The following TBC1D1 variants were observed in gnomAD, a reference collection of about 807,000 sequenced individuals.
TBC1D1 encodes TBC1 (tre-2/USP6, BUB2, cdc16) domain family, member 1.
TBC1D1 carries 89 observed loss-of-function variants against 125.6 expected under a neutral mutation model. The observed-to-expected ratio is 0.71, with a 90% CI of 0.60 to 0.85. The LOEUF (loss-of-function observed/expected upper bound fraction) is 0.85, where lower values mean the gene tolerates loss of function less well. TBC1D1 is among the 40% of genes least tolerant of loss of function. The probability of loss-of-function intolerance (pLI) is 0.00; values close to 1 mark genes in which losing one functional copy is unlikely to be tolerated. For missense variants in TBC1D1, 1,377 were observed against 1,469.2 expected (o/e 0.94, Z 1.03); for synonymous variants, 565 against 564.1 (o/e 1.00, Z -0.02).
chr4:38,125,173 A>T (rs945298172), intron 18 of TBC1D1, 42 bp downstream of exon 20: 1 of 1,584,990 alleles, frequency 6.3e-7, no homozygotes, highest in East Asian at 2.2e-5. Flanking sequence ...AAGCCATCCT[A>T]GATATGTAGA....
chr4:37,904,856 G>C (rs1716962654), intron 2 of TBC1D1, among the ~76,000 whole-genome samples: 1 of 152,206 alleles, frequency 6.6e-6, no homozygotes. Flanking sequence ...CAGCGTGATA[G>C]ATTTTCTGTT....
Position 38,137,526 on chromosome 4 carries a change from GTT to G in TBC1D1, c.*195_*196del. On this transcript the variant is annotated 3_prime_UTR_variant, in exon 20 of 20. Coordinates refer to ENST00000261439, the MANE Select transcript of TBC1D1 (RefSeq NM_015173.4). The stretch of plus-strand genomic sequence containing the variant: ...GGCATGTCCCAGTGTTTTTTTTGTT[GTT>G]TTTAGATACTAAATCGTCCCTTCTC... The G allele has an allele frequency of 2.6e-6, 2 of 762,772 alleles. No homozygotes were observed. The highest frequency in any genetic ancestry group is 3.7e-6 in the Non-Finnish European group (2 of 543,600). 47.3% of individuals were successfully genotyped at this position (762,772 alleles called of 1,614,324 possible). A position where few individuals can be genotyped will look rare whatever the true frequency, so the allele number is the denominator to read the frequency against.
intron 13 of TBC1D1, among the ~76,000 whole-genome samples, chr4:38,090,859 G>C: frequency 6.6e-6 from 1 of 152,174 alleles, no homozygotes. Flanking sequence ...CAGTCACCCT[G>C]CCATTGCCCC....
At chr4:38,061,409 T>C (rs1049954453) in intron 12 of TBC1D1, among the ~76,000 whole-genome samples, 2 of 152,256 alleles carry the variant, frequency 1.3e-5, no homozygotes, top group South Asian at 4.1e-4. Context: ...AAACAATTTT[T>C]AAGGCAACTC....
intron 2 of TBC1D1, among the ~76,000 whole-genome samples, chr4:37,934,297 G>A (rs577026437): frequency 2.0e-5 from 3 of 152,286 alleles, no homozygotes; most frequent in East Asian, 1.9e-4. Context: ...GGCATGGACC[G>A]CCAAGGTGCA....
chr4:37,968,476 C>G (rs539164940), intron 2 of TBC1D1, among the ~76,000 whole-genome samples: 2 of 152,150 alleles, frequency 1.3e-5, no homozygotes, highest in African/African-American at 2.4e-5. Context: ...TACAATGTAA[C>G]GCAGAAAATC....
chr4:37,996,417 T>C (rs1737809307), intron 2 of TBC1D1, among the ~76,000 whole-genome samples: 1 of 152,254 alleles, frequency 6.6e-6, no homozygotes, highest in Non-Finnish European at 1.5e-5. Flanking sequence ...TGCTTTTAAC[T>C]AACATCCTTT....
chr4:38,006,721 C>T lies in TBC1D1; in HGVS notation c.418-7788C>T, dbSNP rs190877181. 571 of 363,406 alleles carry T rather than the reference C, an allele frequency of 1.6e-3. 1 individual carries two copies. Among genetic ancestry groups the T allele is most frequent in the Middle Eastern group, 3.2e-3 (3 of 924 alleles). The allele number at this position is 363,406 out of a possible 1,614,324, so 22.5% of individuals were successfully genotyped here. Reference sequence around the variant, plus strand: ...GGCTCAATCTCCTGACCTTGTGATCCGCCCACCTTGGCCTCCCAAAGTGCT... The same window carrying T: ...GGCTCAATCTCCTGACCTTGTGATCTGCCCACCTTGGCCTCCCAAAGTGCT... On this transcript the variant is annotated intron_variant, in intron 2 of 19. Transcript: ENST00000261439.
intron 2 of TBC1D1, among the ~76,000 whole-genome samples, chr4:37,909,792 C>A (rs1718158734): frequency 6.6e-6 from 1 of 152,162 alleles, no homozygotes. Context: ...CACCTTTAAT[C>A]CCAGCCTGAT....
chr4:37,940,587 TC>T (rs1725354465), intron 2 of TBC1D1, among the ~76,000 whole-genome samples: 1 of 152,238 alleles, frequency 6.6e-6, no homozygotes, highest in African/African-American at 2.4e-5. Flanking sequence ...AGAGAGGGCA[TC>T]CCTGTCTTGT....
At chr4:38,051,105 G>C (rs1177947345) in intron 11 of TBC1D1, among the ~76,000 whole-genome samples, 1 of 152,210 alleles carries the variant, frequency 6.6e-6, no homozygotes, top group East Asian at 1.9e-4. Flanking sequence ...AAACATTCCT[G>C]TCTGGAGAGT....
chr4:38,052,732 A>ACG (rs776456911), intron 11 of TBC1D1, among the ~76,000 whole-genome samples: 1 of 77,666 alleles, frequency 1.3e-5, no homozygotes, highest in African/African-American at 4.0e-5. Flanking sequence ...GCGCGCGCAC[A>ACG]CACACACACA....
chr4:38,008,830 T>C (rs1482136514), intron 2 of TBC1D1, among the ~76,000 whole-genome samples: 7 of 152,230 alleles, frequency 4.6e-5, no homozygotes, highest in African/African-American at 1.7e-4. Flanking sequence ...GTTTGTGTTC[T>C]GGCACCTGTC....
intron 2 of TBC1D1, among the ~76,000 whole-genome samples, chr4:37,956,896 G>A (rs1428141957): frequency 6.6e-6 from 1 of 150,772 alleles, no homozygotes; most frequent in African/African-American, 2.4e-5. Flanking sequence ...CAGAGATCGC[G>A]CCACCGCACT....
chr4:37,947,355 C>T (rs1020920109), intron 2 of TBC1D1, among the ~76,000 whole-genome samples: 1 of 152,158 alleles, frequency 6.6e-6, no homozygotes, highest in Admixed American at 6.5e-5. Context: ...TGGACTTTCA[C>T]TATGTTGGCC....
intron 8 of TBC1D1, among the ~76,000 whole-genome samples, chr4:38,035,962 G>C (rs1241835225): frequency 6.6e-6 from 1 of 152,212 alleles, no homozygotes; most frequent in South Asian, 2.1e-4. Context: ...TTGAGTGTAA[G>C]AGTGGATGCC....
chr4:38,078,079 G>T (rs981998489), intron 12 of TBC1D1, among the ~76,000 whole-genome samples: 2 of 152,184 alleles, frequency 1.3e-5, no homozygotes, highest in African/African-American at 4.8e-5. Flanking sequence ...AGCAGCACAG[G>T]TCGGTGGCCA....
chr4:38,109,491 C>A (rs893258198), intron 15 of TBC1D1, among the ~76,000 whole-genome samples: 1 of 152,126 alleles, frequency 6.6e-6, no homozygotes, highest in Middle Eastern at 3.2e-3. Flanking sequence ...ATAACCAGCT[C>A]CTCTCACCCC....
rs537533221 is a variant in TBC1D1 at position 38,095,965 on chromosome 4, T to C, written c.2273T>C (p.Leu758Pro). ...GATTTGCTGAACAAGCGCCTGAAGC[T>C]CGATTATGAAGAAATTACTCCCTGT... is the stretch of plus-strand genomic sequence containing the variant. Residue 758 changes from leucine to proline, a missense_variant, in exon 14 of 20, where the codon CTC (leucine) becomes CCC (proline). Physicochemically the swap from Leu to Pro is moderately conservative, Grantham distance 98. This residue lies in a region of TBC1D1 where 543 missense variants were observed against 613.5 expected (regional missense o/e 0.89). Transcript: ENST00000261439. 1 of 1,614,016 alleles carries C rather than the reference T, an allele frequency of 6.2e-7. No individual in the cohort carries two copies. The highest frequency in any genetic ancestry group is 1.7e-5 in the Admixed American group (1 of 60,006).
Sources: allele counts gnomAD v4.1 joint callset (sites outside exome capture counted in the v4.1 genomes callset), GRCh38; gene constraint gnomAD v4.1.1; regional missense constraint gnomAD v4.1.1; transcripts MANE v1.5; gene names NCBI Gene and HGNC (gene_info 2026-07-23, HGNC 2026-07-21).